The following HYAL4 variants were observed in gnomAD, a reference collection of about 807,000 sequenced individuals.
The protein encoded by HYAL4 is hyaluronidase 4, also known as hyaluronidase-4.
In HYAL4, 37 loss-of-function variants were observed where a neutral mutation model predicts 35.2. That is an observed-to-expected ratio of 1.05 (90% CI 0.81 to 1.38). The LOEUF (loss-of-function observed/expected upper bound fraction) is 1.38, where lower values mean the gene tolerates loss of function less well. Ranked by LOEUF, HYAL4 falls within the 40% of genes most tolerant of loss-of-function variation. HYAL4 has a pLI of 0.00. For missense variants in HYAL4, 572 were observed against 572.4 expected (o/e 1.00, Z 0.01); for synonymous variants, 198 against 203.2 (o/e 0.97, Z 0.22).
At chr7:123,867,872 G>A (rs901852582) in intron 2 of HYAL4, among the ~76,000 whole-genome samples, 1 of 152,114 alleles carries the variant, frequency 6.6e-6, no homozygotes, top group Non-Finnish European at 1.5e-5. Flanking sequence ...TATTTACAAA[G>A]CAGTTAAGCA....
chr7:123,773,149 C>A, the HYAL4 span, among the ~76,000 whole-genome samples: 1 of 152,118 alleles, frequency 6.6e-6, no homozygotes, highest in Non-Finnish European at 1.5e-5. Context: ...ATTCGCACTT[C>A]GTTTTTGCTT....
chr7:123,835,298 T>C (rs974132033), intron 1 of HYAL4, among the ~76,000 whole-genome samples: 21 of 152,156 alleles, frequency 1.4e-4, no homozygotes, highest in Non-Finnish European at 2.9e-5. Context: ...TCTTCCTGAT[T>C]TAAGCTAGGA....
Position 123,846,067 on chromosome 7 carries a change from A to G in HYAL4, c.-122+382A>G, listed in dbSNP as rs1398305466. 2.0e-5 allele frequency among the ~76,000 whole-genome samples: 3 copies of G among 152,184 alleles called. No homozygotes were observed. The East Asian group carries it at 5.8e-4, about 29-fold the overall frequency. ...CTGGTGGAGGTGGCAGCAGGGTGGA[A>G]TGGACTCTGTGAAGGTCCTTAGTTT... On this transcript the variant is annotated intron_variant, in intron 1 of 4. Coordinates refer to ENST00000223026, the MANE Select transcript of HYAL4 (RefSeq NM_012269.3).
chr7:123,861,020 A>C (rs1479975738), intron 2 of HYAL4, among the ~76,000 whole-genome samples: 1 of 152,194 alleles, frequency 6.6e-6, no homozygotes, highest in African/African-American at 2.4e-5. Context: ...AGACAAGACA[A>C]TGTGATCTGG....
the HYAL4 span, among the ~76,000 whole-genome samples, chr7:123,779,553 G>T: frequency 2.0e-4 from 30 of 152,016 alleles, no homozygotes; most frequent in Admixed American, 4.6e-4. Flanking sequence ...GGTGGTAAGG[G>T]TATAGATGGA....
chr7:123,867,497 A>G (rs1354052158), intron 2 of HYAL4, among the ~76,000 whole-genome samples: 1 of 152,068 alleles, frequency 6.6e-6, no homozygotes, highest in Non-Finnish European at 1.5e-5. Context: ...TTACCGAGAA[A>G]GGAACCCAGA....
At chr7:123,772,622 C>T in the HYAL4 span, among the ~76,000 whole-genome samples, 89 of 152,122 alleles carry the variant, frequency 5.9e-4, 1 homozygote, top group African/African-American at 1.9e-3. Context: ...AAACTGAGAC[C>T]GAAACTAGGA....
intron 2 of HYAL4, among the ~76,000 whole-genome samples, chr7:123,866,788 T>C (rs1806697098): frequency 6.8e-6 from 1 of 146,596 alleles, no homozygotes; most frequent in Admixed American, 6.8e-5. Context: ...TCTTTCTCTC[T>C]CTTTTTTTTT....
At chr7:123,781,914 G>T in the HYAL4 span, among the ~76,000 whole-genome samples, 1 of 152,050 alleles carries the variant, frequency 6.6e-6, no homozygotes, top group African/African-American at 2.4e-5. Context: ...CCTTTATGAA[G>T]CTTTTTCTTC....
the HYAL4 span, among the ~76,000 whole-genome samples, chr7:123,776,692 T>C: frequency 1.3e-5 from 2 of 152,330 alleles, no homozygotes; most frequent in South Asian, 2.1e-4. Flanking sequence ...GTGCTGTGAT[T>C]GTAGGTGTGA....
intron 1 of HYAL4, among the ~76,000 whole-genome samples, chr7:123,830,311 TATG>T (rs1347138568): frequency 6.6e-6 from 1 of 152,216 alleles, no homozygotes; most frequent in Non-Finnish European, 1.5e-5. Flanking sequence ...TTCCTATGCT[TATG>T]ATAATTTTCC....
the HYAL4 span, among the ~76,000 whole-genome samples, chr7:123,764,135 A>G: frequency 6.6e-6 from 1 of 152,144 alleles, no homozygotes; most frequent in Non-Finnish European, 1.5e-5. Flanking sequence ...GGAGCGCATC[A>G]CCACGCCTGA....
the HYAL4 span, among the ~76,000 whole-genome samples, chr7:123,796,296 A>G: frequency 6.6e-6 from 1 of 152,198 alleles, no homozygotes; most frequent in Non-Finnish European, 1.5e-5. Context: ...TCCTTCTGTC[A>G]CTTGGATTTA....
chr7:123,803,966 G>A, the HYAL4 span, among the ~76,000 whole-genome samples: 2 of 152,068 alleles, frequency 1.3e-5, no homozygotes, highest in African/African-American at 4.8e-5. Flanking sequence ...GAACTCACAT[G>A]GCATTCTGGG....
At chr7:123,807,376 A>C in the HYAL4 span, among the ~76,000 whole-genome samples, 1 of 151,360 alleles carries the variant, frequency 6.6e-6, no homozygotes. Flanking sequence ...TCATCATTAG[A>C]GTTCAAACTT....
chr7:123,864,712 C>T (rs974463929), intron 2 of HYAL4, among the ~76,000 whole-genome samples: 1 of 151,170 alleles, frequency 6.6e-6, no homozygotes, highest in Admixed American at 6.6e-5. Context: ...TGGGGAGGTT[C>T]CTTGGTGAAG....
chr7:123,804,355 C>T, the HYAL4 span, among the ~76,000 whole-genome samples: 1 of 152,152 alleles, frequency 6.6e-6, no homozygotes, highest in Non-Finnish European at 1.5e-5. Context: ...CCTGATTGTC[C>T]TCTTCAGTGT....
the HYAL4 span, among the ~76,000 whole-genome samples, chr7:123,770,891 A>G: frequency 6.6e-6 from 1 of 152,206 alleles, no homozygotes; most frequent in Admixed American, 6.5e-5. Context: ...AAAAGAAGAT[A>G]TGAATTAGAG....
the HYAL4 span, among the ~76,000 whole-genome samples, chr7:123,809,820 C>T: frequency 6.6e-6 from 1 of 152,154 alleles, no homozygotes; most frequent in East Asian, 1.9e-4. Flanking sequence ...TCTCACCTGT[C>T]ACATCCCACT....
Sources: gnomAD v4.1 joint callset for allele counts (sites outside exome capture counted in the v4.1 genomes callset) on GRCh38, gnomAD v4.1.1 for gene constraint, MANE v1.5 for transcripts, NCBI Gene and HGNC (gene_info 2026-07-23, HGNC 2026-07-21) for gene names.